The following IL1RAPL2 variants were observed in gnomAD, a reference collection of about 807,000 sequenced individuals.
IL1RAPL2 encodes the protein interleukin 1 receptor accessory protein like 2, also known as X-linked interleukin-1 receptor accessory protein-like 2.
In IL1RAPL2, 3 loss-of-function variants were observed where a neutral mutation model predicts 44.1. The ratio of observed to expected loss-of-function variants is 0.07; its 90% CI spans 0.03 to 0.18. The LOEUF (loss-of-function observed/expected upper bound fraction) is 0.18, where lower values mean the gene tolerates loss of function less well. Among genes scored for constraint, IL1RAPL2 ranks in the 10% least tolerant of loss-of-function variants. The pLI is 1.00. For missense variants in IL1RAPL2, 391 were observed against 496.4 expected, an observed-to-expected ratio of 0.79 and a Z score of 2.02; for synonymous variants, 181 against 178.8, an observed-to-expected ratio of 1.01 and a Z score of -0.10.
intron 2 of IL1RAPL2, among the ~76,000 whole-genome samples, chrX:105,001,918 A>G (rs1361195868): frequency 1.1e-4 from 12 of 111,277 alleles, no homozygotes; most frequent in Non-Finnish European, 1.7e-4. Flanking sequence ...TGATGTGAAA[A>G]GTGAGGGTAC....
At chrX:105,348,234 A>G (rs1276565461) in intron 5 of IL1RAPL2, among the ~76,000 whole-genome samples, 1 of 111,721 alleles carries the variant, frequency 9.0e-6, no homozygotes, top group Non-Finnish European at 1.9e-5. Flanking sequence ...CCCTAGTGCT[A>G]GGTCACTGGT....
In IL1RAPL2 at chrX:104,901,199, C is replaced by CTTTTTTTTTTT. The variant is rs1194148816; in HGVS notation, c.82+242223_82+242233dup. On this transcript the variant is annotated intron_variant, in intron 2 of 10. Transcript: ENST00000372582. The stretch of plus-strand genomic sequence containing the variant: ...AGGAGTTGGTTGCTTTCTTTTGCTT[C>CTTTTTTTTTTT]TTTTTTTTTTTTTTTTTTTTTTTTT... Among the ~76,000 whole-genome samples, 6 of 32,115 alleles carry CTTTTTTTTTTT rather than the reference C, an allele frequency of 1.9e-4. 1 individual carries two copies. The highest frequency in any genetic ancestry group is 8.1e-4 in the African/African-American group (6 of 7,447). 27.9% of individuals were successfully genotyped at this position (32,115 alleles called of 115,157 possible). A position where few individuals can be genotyped will look rare whatever the true frequency, so the allele number is the denominator to read the frequency against.
intron 3 of IL1RAPL2, among the ~76,000 whole-genome samples, chrX:105,198,483 T>G (rs1276450170): frequency 7.1e-5 from 8 of 112,379 alleles, no homozygotes; most frequent in African/African-American, 2.6e-4. Context: ...AAAGATAATA[T>G]AGAGTTCCTG....
At chrX:105,178,182 A>G (rs1057336635) in intron 2 of IL1RAPL2, among the ~76,000 whole-genome samples, 1 of 111,309 alleles carries the variant, frequency 9.0e-6, no homozygotes, top group Non-Finnish European at 1.9e-5. Context: ...TGCTACCTCC[A>G]TCGAGACCAA....
intron 5 of IL1RAPL2, among the ~76,000 whole-genome samples, chrX:105,428,069 C>A (rs1284641941): frequency 1.8e-5 from 2 of 111,111 alleles, no homozygotes; most frequent in East Asian, 5.7e-4. Flanking sequence ...AAAATTGAAT[C>A]ATATAGTAAC....
chrX:105,307,274 A>AT (rs750314579), intron 5 of IL1RAPL2, among the ~76,000 whole-genome samples: 5 of 96,273 alleles, frequency 5.2e-5, no homozygotes, highest in Admixed American at 5.1e-4. Flanking sequence ...CAAAAAAAAA[A>AT]TTTTTTTTTA....
At chrX:104,956,461 A>AGTGTGTGCGTGTGT (rs2029899879) in intron 2 of IL1RAPL2, among the ~76,000 whole-genome samples, 1 of 84,086 alleles carries the variant, frequency 1.2e-5, no homozygotes, top group African/African-American at 4.7e-5. Flanking sequence ...GTCTCTACTA[A>AGTGTGTGCGTGTGT]GTGTGTGTGT....
At chrX:105,671,717 C>T (rs955259185) in intron 6 of IL1RAPL2, among the ~76,000 whole-genome samples, 1 of 111,835 alleles carries the variant, frequency 8.9e-6, no homozygotes, top group Admixed American at 9.5e-5. Context: ...ATATATGGGA[C>T]ATTTTTAGGC....
At chrX:105,540,420 A>G (rs2036711758) in intron 6 of IL1RAPL2, among the ~76,000 whole-genome samples, 1 of 110,716 alleles carries the variant, frequency 9.0e-6, no homozygotes, top group African/African-American at 3.3e-5. Flanking sequence ...ATCCTAAGTG[A>G]AAGCAGGAGC....
At chrX:105,092,004 A>T (rs1053367108) in intron 2 of IL1RAPL2, among the ~76,000 whole-genome samples, 1 of 112,395 alleles carries the variant, frequency 8.9e-6, no homozygotes, top group Non-Finnish European at 1.9e-5. Context: ...ATTATTAATG[A>T]TGGTACTTAT....
At chrX:105,335,255 C>T (rs914649346) in intron 5 of IL1RAPL2, among the ~76,000 whole-genome samples, 1 of 111,531 alleles carries the variant, frequency 9.0e-6, no homozygotes, top group African/African-American at 3.3e-5. Flanking sequence ...TACACCATAG[C>T]TGTTCAGTGG....
chrX:105,138,818 C>T (rs1241303349), intron 2 of IL1RAPL2, among the ~76,000 whole-genome samples: 2 of 111,080 alleles, frequency 1.8e-5, no homozygotes, highest in Non-Finnish European at 3.8e-5. Flanking sequence ...CTTACCTCTT[C>T]CCCTTTCCAC....
chrX:105,257,557 G>T (rs1456372487), intron 4 of IL1RAPL2, among the ~76,000 whole-genome samples: 2 of 112,146 alleles, frequency 1.8e-5, no homozygotes, highest in Non-Finnish European at 3.8e-5. Flanking sequence ...CACTATTATT[G>T]TGTTGGAGTC....
chrX:105,157,401 C>T (rs1309793456), intron 2 of IL1RAPL2, among the ~76,000 whole-genome samples: 1 of 112,013 alleles, frequency 8.9e-6, no homozygotes, highest in Non-Finnish European at 1.9e-5. Context: ...TCAAGTCCCC[C>T]ATGTCCTTCT....
At chrX:105,048,186 A>T (rs1452223485) in intron 2 of IL1RAPL2, among the ~76,000 whole-genome samples, 2 of 112,153 alleles carry the variant, frequency 1.8e-5, no homozygotes, top group East Asian at 5.6e-4. Flanking sequence ...GTTCCTCAAA[A>T]GATATTAATG....
chrX:105,517,444 C>G (rs1174428652), intron 6 of IL1RAPL2, among the ~76,000 whole-genome samples: 2 of 111,472 alleles, frequency 1.8e-5, no homozygotes, highest in Non-Finnish European at 3.8e-5. Flanking sequence ...AACATTGCTA[C>G]TACTCTTTTC....
chrX:105,034,634 G>T (rs1381592397), intron 2 of IL1RAPL2, among the ~76,000 whole-genome samples: 1 of 111,998 alleles, frequency 8.9e-6, no homozygotes, highest in Non-Finnish European at 1.9e-5. Context: ...GGTCATGTGA[G>T]GTGTCAGTCT....
Position 105,451,502 on chromosome X carries a change from G to C in IL1RAPL2, c.698-32811G>C, listed in dbSNP as rs774696254. 2.7e-5 allele frequency among the ~76,000 whole-genome samples: 3 copies of C among 112,006 alleles called. No individual in the cohort carries two copies. In the South Asian group the frequency reaches 1.1e-3, roughly 41 times the overall value. On this transcript the variant is annotated intron_variant, in intron 5 of 10. Transcript: ENST00000372582. ...AATAAATGGTAGCTTTTGTGTATAA[G>C]ACAGATATTAAAGTGTTAAAGAGAA...
chrX:105,631,108 C>T (rs2037488927), intron 6 of IL1RAPL2, among the ~76,000 whole-genome samples: 3 of 110,952 alleles, frequency 2.7e-5, no homozygotes, highest in Admixed American at 1.9e-4. Context: ...AGAAAATCAG[C>T]CAGGGAATTT....
Sources: gnomAD v4.1 joint callset for allele counts (sites outside exome capture counted in the v4.1 genomes callset) on GRCh38, gnomAD v4.1.1 for gene constraint, MANE v1.5 for transcripts, NCBI Gene and HGNC (gene_info 2026-07-23, HGNC 2026-07-21) for gene names.